Variants in REL observed in about 807,000 individuals in gnomAD.
REL encodes proto-oncogene c-Rel.
In REL, 15 loss-of-function variants were observed where a neutral mutation model predicts 45.9. The ratio of observed to expected loss-of-function variants is 0.33; its 90% confidence interval spans 0.22 to 0.50. The LOEUF is 0.50. Among genes scored for constraint, REL ranks in the 20% least tolerant of loss-of-function variants. REL has a pLI of 0.98. For missense variants in REL, 601 were observed against 715.2 expected (o/e 0.84, Z 1.82); for synonymous variants, 239 against 242.1 (o/e 0.99, Z 0.12).
chr2:60,910,036 A>C (rs1673768419), intron 4 of REL, among the ~76,000 whole-genome samples: 1 of 152,260 alleles, frequency 6.6e-6, no homozygotes, highest in Non-Finnish European at 1.5e-5. Flanking sequence ...TTGATTTTTA[A>C]AATTTAATTC....
intron 5 of REL, among the ~76,000 whole-genome samples, chr2:60,917,414 C>A (rs1343343809): frequency 6.6e-6 from 1 of 151,890 alleles, no homozygotes; most frequent in African/African-American, 2.4e-5. Flanking sequence ...GTAGTTATAT[C>A]ATAATTTTAT....
At chr2:60,906,432 A>C (rs1673653025) in intron 4 of REL, among the ~76,000 whole-genome samples, 1 of 152,190 alleles carries the variant, frequency 6.6e-6, no homozygotes, top group African/African-American at 2.4e-5. Flanking sequence ...ATCTGAGATG[A>C]TTCTGATGCA....
chr2:60,918,717 T>G, intron 7 of REL, 111 bp downstream of exon 7: 5 of 755,538 alleles, frequency 6.6e-6, no homozygotes. Flanking sequence ...AATTTATGTT[T>G]CTTTTCCTGG....
intron 4 of REL, among the ~76,000 whole-genome samples, chr2:60,907,959 T>C (rs1267655796): frequency 5.9e-5 from 9 of 152,180 alleles, no homozygotes; most frequent in Non-Finnish European, 1.5e-5. Context: ...CCCAAAGTGC[T>C]GGGATTACAG....
rs937020343 is a variant in REL at position 60,930,722 on chromosome 2, G to A, written c.*8187G>A. The stretch of plus-strand genomic sequence containing the variant: ...AGTAATCACTCTATTTATTCTAAAT[G>A]TCTGTGGCTTTAGGAAAATACCACC... On this transcript the variant is annotated 3_prime_UTR_variant, in exon 10 of 10. Coordinates refer to ENST00000394479, the MANE Select transcript of REL (RefSeq NM_001291746.2). 4 of 152,280 alleles carry A rather than the reference G, an allele frequency of 2.6e-5. No individual in the cohort carries two copies. Among genetic ancestry groups the A allele is most frequent in the African/African-American group, 7.2e-5 (3 of 41,444 alleles). 9.4% of individuals were successfully genotyped at this position (152,280 alleles called of 1,614,324 possible). A position where few individuals can be genotyped will look rare whatever the true frequency, so the allele number is the denominator to read the frequency against.
rs1482402991 is a variant in REL, at chr2:60,891,832, G to C, written c.153+7G>C. The C allele has an allele frequency of 1.9e-6, 3 of 1,608,458 alleles. No individual in the cohort carries two copies. Among genetic ancestry groups the C allele is most frequent in the Non-Finnish European group, 2.5e-6 (3 of 1,177,280 alleles). ...AACATACCCTTCTATCCAGGTAATAGACCCTTCTTCTGTGTCTATCTCACT... is the reference window on the plus strand; with the variant it reads ...AACATACCCTTCTATCCAGGTAATACACCCTTCTTCTGTGTCTATCTCACT... On this transcript the variant is annotated splice_region_variant and intron_variant, in intron 2 of 9. Coordinates refer to ENST00000394479, the MANE Select transcript of REL (RefSeq NM_001291746.2).
chr2:60,913,011 T>C (rs1673861767), intron 4 of REL, among the ~76,000 whole-genome samples: 1 of 152,160 alleles, frequency 6.6e-6, no homozygotes, highest in East Asian at 1.9e-4. Context: ...TTGGTAAACA[T>C]TTTAATCCTT....
At chr2:60,907,865 G>A (rs1193427370) in intron 4 of REL, among the ~76,000 whole-genome samples, 1 of 151,236 alleles carries the variant, frequency 6.6e-6, no homozygotes, top group African/African-American at 2.4e-5. Context: ...TAATTTTTTT[G>A]TATTTTTTAG....
intron 5 of REL, among the ~76,000 whole-genome samples, chr2:60,917,829 TTGTATTGCCATAGGGAGA>T (rs1268130669): frequency 6.6e-6 from 1 of 151,896 alleles, no homozygotes. Context: ...AGCATGAAAG[TTGTATTGCCATAGGGAGA>T]TGTATTGCCA....
intron 4 of REL, among the ~76,000 whole-genome samples, chr2:60,902,697 G>A (rs1210207293): frequency 2.6e-5 from 4 of 151,130 alleles, no homozygotes; most frequent in Non-Finnish European, 5.9e-5. Flanking sequence ...GGGCTCAAGC[G>A]GTCATCCCAC....
In REL at chr2:60,920,126, T is replaced by A; in HGVS notation, c.922+17T>A. On this transcript the variant is annotated intron_variant, in intron 8 of 9. Transcript: ENST00000394479. Reference sequence around the variant, plus strand: ...AGGATCACGGTAAGAATAGTTTGGATCGATTCATATTTAAATAGGTTTTGT... The same window carrying A: ...AGGATCACGGTAAGAATAGTTTGGAACGATTCATATTTAAATAGGTTTTGT... 6.5e-7 allele frequency: 1 copy of A among 1,537,108 alleles called. No homozygotes were observed. Among genetic ancestry groups the A allele is most frequent in the Admixed American group, 1.8e-5 (1 of 54,616 alleles).
At chr2:60,892,468 G>A (rs772101485) in intron 2 of REL, among the ~76,000 whole-genome samples, 20 of 151,910 alleles carry the variant, frequency 1.3e-4, no homozygotes, top group African/African-American at 4.4e-4. Context: ...CACACTTGTC[G>A]CCCAGGCTGG....
At chr2:60,917,525 T>TA (rs1361947916) in intron 5 of REL, among the ~76,000 whole-genome samples, 6 of 143,388 alleles carry the variant, frequency 4.2e-5, no homozygotes, top group African/African-American at 1.5e-4. Flanking sequence ...TATTTTTTTT[T>TA]ATTGGTTTTT....
chr2:60,910,355 C>G (rs1673777579), intron 4 of REL, among the ~76,000 whole-genome samples: 1 of 151,420 alleles, frequency 6.6e-6, no homozygotes, highest in Non-Finnish European at 1.5e-5. Flanking sequence ...GTCCCAGCTA[C>G]TCGGGAGGCT....
Position 60,921,756 on chromosome 2 carries a change from C to A in REL, c.992-7C>A, listed in dbSNP as rs142878172. On this transcript the variant is annotated splice_polypyrimidine_tract_variant and splice_region_variant and intron_variant, in intron 9 of 9. Transcript: ENST00000394479. ...TAATTTCGTAAAATAAATTTTTCCT[C>A]CCACAGAACCAAACTTGTTTTCTCA... The A allele has an allele frequency of 3.9e-3, 6,130 of 1,561,962 alleles. 29 individuals are homozygous for A. The highest frequency in any genetic ancestry group is 0.034 in the Middle Eastern group (200 of 5,850).
rs763509374 is a variant in REL, at chr2:60,918,386, T to C, written c.641-8T>C. 1.9e-6 allele frequency: 3 copies of C among 1,608,850 alleles called. No homozygotes were observed. Among genetic ancestry groups the C allele is most frequent in the Non-Finnish European group, 2.5e-6 (3 of 1,177,616 alleles). Reference sequence around the variant, plus strand: ...CCATTTTTTTTTTTTTGGTTTCTTATTGACTAGATGACATAGAAGTTCGTT... The same window carrying C: ...CCATTTTTTTTTTTTTGGTTTCTTACTGACTAGATGACATAGAAGTTCGTT... On this transcript the variant is annotated splice_polypyrimidine_tract_variant and splice_region_variant and intron_variant, in intron 6 of 9. Transcript: ENST00000394479.
At chr2:60,893,318 A>G (rs975631371) in intron 2 of REL, among the ~76,000 whole-genome samples, 4 of 152,234 alleles carry the variant, frequency 2.6e-5, no homozygotes, top group African/African-American at 9.6e-5. Flanking sequence ...GCAAAATTAT[A>G]TATATTGAAT....
At chr2:60,899,864 T>G (rs1157819519) in intron 3 of REL, 1 of 152,308 alleles carries the variant, frequency 6.6e-6, no homozygotes, top group African/African-American at 2.4e-5. Context: ...TTTTGAAACT[T>G]GTTAAATATT....
At position 60,918,485 on chromosome 2, in the gene REL, C is replaced by A. The variant is rs753998705; in HGVS notation, c.732C>A (p.Phe244Leu). 6.2e-7 allele frequency: 1 copy of A among 1,613,692 alleles called. No individual in the cohort carries two copies. Residue 244 changes from phenylalanine to leucine, a missense_variant, in exon 7 of 10, where the codon TTC becomes TTA. By Grantham distance (22) the Phe-to-Leu change is conservative. Around this residue, in one of 4 missense-constraint regions of REL, gnomAD observed 241 missense variants for 347.0 expected, o/e 0.69. Transcript: ENST00000394479. ...TACACCGTCAAGTAGCCATTGTTTT[C>A]AAAACTCCACCATATTGCAAAGCTA... The part of the protein sequence containing the change: ...ADVHRQVAIV[F>L]KTPPYCKAIT...
Sources: gnomAD v4.1 joint callset for allele counts (sites outside exome capture counted in the v4.1 genomes callset) on GRCh38, gnomAD v4.1.1 for gene constraint, gnomAD v4.1.1 regional missense constraint, MANE v1.5 for transcripts, NCBI Gene and HGNC (gene_info 2026-07-23, HGNC 2026-07-21) for gene names.